The following MYO1D variants were observed in gnomAD, a reference collection of about 807,000 sequenced individuals.
MYO1D encodes unconventional myosin-Id.
A neutral mutation model predicts 122.0 loss-of-function variants in MYO1D; 83 were observed. The observed-to-expected ratio is 0.68, with a 90% CI of 0.57 to 0.82. The LOEUF (loss-of-function observed/expected upper bound fraction) is 0.82. Ranked by LOEUF, MYO1D falls within the 40% of genes least tolerant of loss-of-function variation. The pLI is 0.00. For synonymous variants in MYO1D, 464 were observed against 446.9 expected (o/e 1.04, Z -0.48); for missense variants, 1,157 against 1,269.5 (o/e 0.91, Z 1.35).
chr17:32,542,219 G>A (rs930958503), intron 21 of MYO1D, among the ~76,000 whole-genome samples: 27 of 152,144 alleles, frequency 1.8e-4, no homozygotes, highest in Non-Finnish European at 3.4e-4. Context: ...TAACCACCGG[G>A]CCGACAGAGG....
At chr17:32,689,505 G>A (rs1261470251) in intron 16 of MYO1D, among the ~76,000 whole-genome samples, 4 of 152,102 alleles carry the variant, frequency 2.6e-5, no homozygotes, top group East Asian at 1.9e-4. Flanking sequence ...CCTTAGTTAC[G>A]AATGATGCCC....
At chr17:32,822,595 C>T (rs1447647256) in intron 1 of MYO1D, among the ~76,000 whole-genome samples, 15 of 148,424 alleles carry the variant, frequency 1.0e-4, no homozygotes, top group Non-Finnish European at 2.0e-4. Flanking sequence ...CGGAGGCGGC[C>T]GCGCCGAGCC....
intron 21 of MYO1D, among the ~76,000 whole-genome samples, chr17:32,599,907 C>A (rs1416533673): frequency 6.6e-6 from 1 of 152,218 alleles, no homozygotes; most frequent in Non-Finnish European, 1.5e-5. Context: ...CCCACCTCGG[C>A]CTCCAAAAGT....
intron 1 of MYO1D, among the ~76,000 whole-genome samples, chr17:32,873,942 A>G (rs924133385): frequency 6.6e-6 from 1 of 152,208 alleles, no homozygotes; most frequent in African/African-American, 2.4e-5. Flanking sequence ...CCACCTCTCC[A>G]CAACACCAAC....
chr17:32,836,400 C>T (rs981563609), intron 1 of MYO1D, among the ~76,000 whole-genome samples: 1 of 152,178 alleles, frequency 6.6e-6, no homozygotes, highest in African/African-American at 2.4e-5. Context: ...CATGGATAGT[C>T]CTAACCCCCT....
intron 19 of MYO1D, 90 bp downstream of exon 19, chr17:32,653,753 A>T: frequency 1.9e-6 from 2 of 1,059,124 alleles, no homozygotes; most frequent in Non-Finnish European, 2.9e-6. Context: ...TTATGTACCT[A>T]CTGTTATGTT....
rs968693406 is a variant in MYO1D at position 32,492,637 on chromosome 17, G to T, written c.*2122C>A. On this transcript the variant is annotated 3_prime_UTR_variant, in exon 22 of 22. Transcript: ENST00000318217. ...GATTTAATGCTTTATTGCTCTTGAT[G>T]GCAAATCAAAATATGCTTTAGAAAT... 4 of 152,502 alleles carry T rather than the reference G, an allele frequency of 2.6e-5. No individual in the cohort carries two copies. The highest frequency in any genetic ancestry group is 2.6e-4 in the Admixed American group (4 of 15,274). 9.4% of individuals were successfully genotyped at this position (152,502 alleles called of 1,614,324 possible). A position where few individuals can be genotyped will look rare whatever the true frequency, so the allele number is the denominator to read the frequency against.
intron 16 of MYO1D, among the ~76,000 whole-genome samples, chr17:32,669,537 A>G (rs1024971490): frequency 6.6e-6 from 1 of 152,170 alleles, no homozygotes. Context: ...TGTGCATATA[A>G]AATCCTTACA....
In MYO1D at chr17:32,660,054, T is replaced by C. The variant is rs138156534; in HGVS notation, c.2122-716A>G. On this transcript the variant is annotated intron_variant, in intron 16 of 21. Transcript: ENST00000318217. ...TCTCAACTTCTCAAGCAAAAACAAA[T>C]TTGGTGCGATCTTCAATTAATCACT... Among the ~76,000 whole-genome samples, 387 of 152,204 alleles carry C rather than the reference T, an allele frequency of 2.5e-3. 2 individuals are homozygous for C. Among genetic ancestry groups the C allele is most frequent in the African/African-American group, 9.1e-3 (378 of 41,506 alleles).
intron 1 of MYO1D, among the ~76,000 whole-genome samples, chr17:32,793,541 T>A (rs2090379979): frequency 6.6e-6 from 1 of 152,212 alleles, no homozygotes; most frequent in African/African-American, 2.4e-5. Flanking sequence ...AATCTCCACA[T>A]AGACAGTTCT....
At chr17:32,745,411 G>C in intron 12 of MYO1D, 126 bp from the exon 13 acceptor site, 1 of 620,578 alleles carries the variant, frequency 1.6e-6, no homozygotes, top group Non-Finnish European at 2.9e-6. Context: ...AGCTGATATT[G>C]TTCATCTTGT....
intron 13 of MYO1D, 38 bp downstream of exon 13, chr17:32,745,173 G>T: frequency 8.7e-7 from 1 of 1,147,638 alleles, no homozygotes; most frequent in Non-Finnish European, 1.3e-6. Context: ...ATGTCAATGA[G>T]CTTAATCTAG....
intron 1 of MYO1D, among the ~76,000 whole-genome samples, chr17:32,813,465 G>A (rs1170093854): frequency 6.6e-6 from 1 of 152,194 alleles, no homozygotes; most frequent in African/African-American, 2.4e-5. Flanking sequence ...ACTAAAGAAT[G>A]GGTAGGAATT....
At chr17:32,829,976 C>G (rs1567662601) in intron 1 of MYO1D, among the ~76,000 whole-genome samples, 1 of 152,046 alleles carries the variant, frequency 6.6e-6, no homozygotes, top group Non-Finnish European at 1.5e-5. Context: ...AAGCTTAGCC[C>G]TAGAGTCCTG....
At chr17:32,621,288 T>G (rs55763636) in intron 20 of MYO1D, among the ~76,000 whole-genome samples, 9,196 of 152,150 alleles carry the variant, frequency 0.06, 363 homozygotes, top group East Asian at 0.19. Flanking sequence ...TTCCTTGTCC[T>G]GAAAAGCCAT....
intron 1 of MYO1D, among the ~76,000 whole-genome samples, chr17:32,795,740 A>G (rs2470214): frequency 0.44 from 66,122 of 151,994 alleles, 14,993 homozygotes; most frequent in East Asian, 0.73. Context: ...AAGACAGCAG[A>G]AGGAGGAAGA....
At chr17:32,611,589 G>A (rs559049863) in intron 20 of MYO1D, among the ~76,000 whole-genome samples, 1 of 152,130 alleles carries the variant, frequency 6.6e-6, no homozygotes, top group Non-Finnish European at 1.5e-5. Context: ...CAGTAACCTC[G>A]ACACTTTGGG....
In MYO1D at chr17:32,665,421, T is replaced by C. The variant is rs75420284; in HGVS notation, c.2122-6083A>G. ...ACTGTTTGGAACAATGCCAAGGACC[T>C]AGTTAATAATATTTGCCGAATGAAT... On this transcript the variant is annotated intron_variant, in intron 16 of 21. Transcript: ENST00000318217. Among the ~76,000 whole-genome samples, 240 of 152,350 alleles carry C rather than the reference T, an allele frequency of 1.6e-3. 3 individuals carry two copies. In the East Asian group the frequency reaches 0.033, roughly 21 times the overall value.
At chr17:32,553,090 A>C (rs994498862) in intron 21 of MYO1D, among the ~76,000 whole-genome samples, 2 of 132,718 alleles carry the variant, frequency 1.5e-5, no homozygotes, top group South Asian at 2.2e-4. Flanking sequence ...AAAAAAAAAA[A>C]CAAAAAACAA....
Sources: gnomAD v4.1 joint callset for allele counts (sites outside exome capture counted in the v4.1 genomes callset) on GRCh38, gnomAD v4.1.1 for gene constraint, MANE v1.5 for transcripts, NCBI Gene and HGNC (gene_info 2026-07-23, HGNC 2026-07-21) for gene names.